Variants in CD200R1L observed in about 807,000 individuals in gnomAD.
CD200R1L encodes the protein CD200 receptor 1 like.
A neutral mutation model predicts 24.8 loss-of-function variants in CD200R1L; 14 were observed. The observed-to-expected ratio is 0.56, with a 90% CI of 0.37 to 0.88. The LOEUF (loss-of-function observed/expected upper bound fraction) is 0.88. Ranked by LOEUF, CD200R1L falls within the 40% of genes least tolerant of loss-of-function variation. CD200R1L has a pLI of 0.00. For synonymous variants in CD200R1L, 111 were observed against 109.2 expected (o/e 1.02, Z -0.11); for missense variants, 299 against 297.8 (o/e 1.00, Z -0.03).
chr3:112,825,496 CATTT>C (rs1181257160), intron 6 of CD200R1L, among the ~76,000 whole-genome samples: 1 of 150,336 alleles, frequency 6.7e-6, no homozygotes, highest in African/African-American at 2.4e-5. Context: ...AAGAATGAAA[CATTT>C]ATATTTTATT....
At chr3:112,828,314 G>A (rs7625533) in intron 4 of CD200R1L, among the ~76,000 whole-genome samples, 43,344 of 151,944 alleles carry the variant, frequency 0.29, 7,444 homozygotes, top group African/African-American at 0.47. Flanking sequence ...TACATGTTTT[G>A]TTTAGAGAAT....
intron 2 of CD200R1L, among the ~76,000 whole-genome samples, chr3:112,844,991 A>G (rs1559927632): frequency 6.6e-6 from 1 of 152,100 alleles, no homozygotes; most frequent in Non-Finnish European, 1.5e-5. Flanking sequence ...AAAAACAAGA[A>G]TAAACTAACC....
intron 7 of CD200R1L, among the ~76,000 whole-genome samples, chr3:112,818,601 T>C (rs1938452097): frequency 6.6e-6 from 1 of 152,234 alleles, no homozygotes; most frequent in Non-Finnish European, 1.5e-5. Flanking sequence ...GCTCCTGCCA[T>C]TGCAGCATTG....
intron 6 of CD200R1L, among the ~76,000 whole-genome samples, chr3:112,823,735 G>T (rs1938596574): frequency 6.6e-6 from 1 of 152,190 alleles, no homozygotes; most frequent in Non-Finnish European, 1.5e-5. Flanking sequence ...GTCAAACGAA[G>T]TCTTAAAACT....
chr3:112,825,916 A>G (rs1938646153), intron 6 of CD200R1L, among the ~76,000 whole-genome samples: 1 of 152,222 alleles, frequency 6.6e-6, no homozygotes. Flanking sequence ...ATGAAGTAAG[A>G]GGCTAGACTT....
At chr3:112,820,401 TAAATC>T (rs1329105249) in intron 6 of CD200R1L, among the ~76,000 whole-genome samples, 2 of 152,158 alleles carry the variant, frequency 1.3e-5, no homozygotes, top group Admixed American at 1.3e-4. Context: ...ATTGAAAAGA[TAAATC>T]AAACTAATTA....
At chr3:112,825,995 C>T (rs66481477) in intron 6 of CD200R1L, among the ~76,000 whole-genome samples, 43,461 of 151,814 alleles carry the variant, frequency 0.29, 7,441 homozygotes, top group African/African-American at 0.47. Flanking sequence ...GATAAATATG[C>T]TCTAAAATTG....
rs1939189131 is a variant in CD200R1L, at chr3:112,845,798, G to T, written c.-206C>A. ...CACTTTAAATCAATCAACAGACTTG[G>T]TGAATCTGTTTCTCTTGGTCACTTT... On this transcript the variant is annotated 5_prime_UTR_variant, in exon 2 of 8. Transcript: ENST00000488794. 4 of 1,229,346 alleles carry T rather than the reference G, an allele frequency of 3.3e-6. No homozygotes were observed. Among genetic ancestry groups the T allele is most frequent in the South Asian group, 1.2e-5 (1 of 80,254 alleles). The allele number at this position is 1,229,346 out of a possible 1,614,324, so 76.2% of individuals were successfully genotyped here.
Position 112,835,067 on chromosome 3 carries a change from G to A in CD200R1L, c.-18+2875C>T, listed in dbSNP as rs750996312. Among the ~76,000 whole-genome samples the A allele has an allele frequency of 4.6e-5, 7 of 152,204 alleles. No homozygotes were observed. In the South Asian group the frequency reaches 6.2e-4, roughly 14 times the overall value. On this transcript the variant is annotated intron_variant, in intron 3 of 7. Transcript: ENST00000488794. ...ATCCACAATGTGGCAATCAAGGGGC[G>A]TGTTTCAGCCCTGTTTGTGTTACAG...
At chr3:112,842,014 G>C (rs1939094035) in intron 2 of CD200R1L, among the ~76,000 whole-genome samples, 2 of 152,230 alleles carry the variant, frequency 1.3e-5, no homozygotes, top group African/African-American at 4.8e-5. Context: ...GGTTTAGCCT[G>C]TTGGCCAGCT....
At chr3:112,819,619 A>T in intron 7 of CD200R1L, 153 bp downstream of exon 7, 1 of 648,316 alleles carries the variant, frequency 1.5e-6, no homozygotes, top group Non-Finnish European at 2.3e-6. Flanking sequence ...CTCAGTTGTT[A>T]ATGATGCCTT....
chr3:112,832,580 C>G (rs1938828508), intron 3 of CD200R1L, among the ~76,000 whole-genome samples: 1 of 152,164 alleles, frequency 6.6e-6, no homozygotes, highest in Non-Finnish European at 1.5e-5. Context: ...CCCATCATGT[C>G]TCTTACTTAA....
rs377472985 is a variant in CD200R1L, at chr3:112,818,400, A to G, written c.740+1372T>C. Among the ~76,000 whole-genome samples, 164 of 152,378 alleles carry G rather than the reference A, an allele frequency of 1.1e-3. 4 individuals carry two copies. The South Asian group carries it at 0.031, about 29-fold the overall frequency. ...AAGGGGAACTTCAGAGTCATCTTCA[A>G]TGACACTGACATTTCCTTAGTTGAG... On this transcript the variant is annotated intron_variant, in intron 7 of 7. Coordinates refer to ENST00000488794, the MANE Select transcript of CD200R1L (RefSeq NM_001199215.3).
chr3:112,819,272 A>G (rs1016458962), intron 7 of CD200R1L, among the ~76,000 whole-genome samples: 1 of 152,222 alleles, frequency 6.6e-6, no homozygotes, highest in Non-Finnish European at 1.5e-5. Flanking sequence ...TAACTATCAC[A>G]TCAAGTCGCA....
intron 7 of CD200R1L, among the ~76,000 whole-genome samples, chr3:112,816,483 G>A (rs1173423053): frequency 6.6e-6 from 1 of 152,144 alleles, no homozygotes; most frequent in Non-Finnish European, 1.5e-5. Flanking sequence ...GCATAGGATG[G>A]ATAAATATGT....
chr3:112,828,999 C>T (rs1288277584), intron 4 of CD200R1L, among the ~76,000 whole-genome samples: 3 of 152,152 alleles, frequency 2.0e-5, no homozygotes, highest in Non-Finnish European at 4.4e-5. Context: ...GGTACTTTAA[C>T]CCTTATATTT....
At position 112,827,126 on chromosome 3, in the gene CD200R1L, A is replaced by G. The variant is rs750350696; in HGVS notation, c.483T>C (p.Thr161=). 9.3e-6 allele frequency: 15 copies of G among 1,613,434 alleles called. No individual in the cohort carries two copies. The highest frequency in any genetic ancestry group is 1.8e-4 in the Middle Eastern group (1 of 5,568). Residue 161 remains threonine (T), a synonymous_variant, in exon 6 of 8, where the codon ACT becomes ACC. Coordinates refer to ENST00000488794, the MANE Select transcript of CD200R1L (RefSeq NM_001199215.3). ...TGCCATTGCCCCAGTATTCTTGCTTAGTGGCAAGAATAGATCCCTCTGGGA... is the reference window on the plus strand; with the variant it reads ...TGCCATTGCCCCAGTATTCTTGCTTGGTGGCAAGAATAGATCCCTCTGGGA... ...SWIPEGSILA[T]KQEYWGNGTV...
chr3:112,816,118 C>T, intron 7 of CD200R1L, 143 bp from the exon 8 acceptor site: 2 of 625,636 alleles, frequency 3.2e-6, no homozygotes, highest in Non-Finnish European at 5.8e-6. Context: ...TGCTATTAAT[C>T]AATGTGTCAA....
At chr3:112,830,505 T>TTG (rs1339823813) in intron 3 of CD200R1L, among the ~76,000 whole-genome samples, 1 of 149,000 alleles carries the variant, frequency 6.7e-6, no homozygotes, top group Non-Finnish European at 1.5e-5. Flanking sequence ...GCAGTTTTTT[T>TTG]TTTTTTTTTT....
Sources: gnomAD v4.1 joint callset for allele counts (sites outside exome capture counted in the v4.1 genomes callset) on GRCh38, gnomAD v4.1.1 for gene constraint, MANE v1.5 for transcripts, NCBI Gene and HGNC (gene_info 2026-07-23, HGNC 2026-07-21) for gene names.